Variants in TBC1D32 observed in about 807,000 individuals in gnomAD.
TBC1D32 encodes the protein protein broad-minded.
Under a neutral mutation model 170.3 loss-of-function variants are expected in TBC1D32, and 151 were observed. The ratio of observed to expected loss-of-function variants is 0.89; its 90% CI spans 0.78 to 1.01. The LOEUF is 1.01. TBC1D32 is among the 50% of genes least tolerant of loss of function. The probability of loss-of-function intolerance (pLI) is 0.00; values close to 1 mark genes in which losing one functional copy is unlikely to be tolerated. For synonymous variants in TBC1D32, 498 were observed against 488.0 expected (o/e 1.02, Z -0.27); for missense variants, 1,464 against 1,457.1 (o/e 1.00, Z -0.08).
rs867766124 is a variant in TBC1D32 at position 121,240,337 on chromosome 6, T to C, written c.2245+1128A>G. On this transcript the variant is annotated intron_variant, in intron 19 of 31. Transcript: ENST00000398212. ...TTATTCTAAGTAGAAGAAAAAAAAT[T>C]AGTGGTTCAGTTTAGGACAATTTTT... Among the ~76,000 whole-genome samples, 10 of 148,852 alleles carry C rather than the reference T, an allele frequency of 6.7e-5. No individual in the cohort carries two copies. The East Asian group carries it at 1.2e-3, about 18-fold the overall frequency.
chr6:121,248,618 AGTTATT>A (rs1402483215), intron 17 of TBC1D32, among the ~76,000 whole-genome samples: 1 of 152,028 alleles, frequency 6.6e-6, no homozygotes, highest in Non-Finnish European at 1.5e-5. Context: ...ATAAAACTGG[AGTTATT>A]ACAGACAATA....
intron 19 of TBC1D32, among the ~76,000 whole-genome samples, chr6:121,239,872 T>C (rs1796731558): frequency 6.6e-6 from 1 of 152,096 alleles, no homozygotes; most frequent in Non-Finnish European, 1.5e-5. Context: ...AGTAAGTTCA[T>C]AACAACAATA....
chr6:121,282,894 A>T (rs997440465), intron 13 of TBC1D32, among the ~76,000 whole-genome samples: 65 of 151,854 alleles, frequency 4.3e-4, no homozygotes, highest in African/African-American at 1.5e-3. Context: ...TAAAGACAGA[A>T]AAAAGTCTGA....
At chr6:121,292,268 G>A in intron 11 of TBC1D32, 75 bp from the exon 12 acceptor site, 9 of 1,416,846 alleles carry the variant, frequency 6.4e-6, no homozygotes, top group Non-Finnish European at 8.6e-6. Flanking sequence ...TTCCCTTCTA[G>A]ACATTAAACA....
At chr6:121,242,583 A>G (rs200632742) in intron 17 of TBC1D32, among the ~76,000 whole-genome samples, 2 of 152,012 alleles carry the variant, frequency 1.3e-5, no homozygotes, top group East Asian at 3.9e-4. Flanking sequence ...TGTTAACTGC[A>G]TATGTCAGCA....
intron 26 of TBC1D32, among the ~76,000 whole-genome samples, chr6:121,118,664 G>A (rs903212512): frequency 6.6e-6 from 1 of 152,140 alleles, no homozygotes. Flanking sequence ...GGCAGTTACT[G>A]GTTGGCTGCT....
chr6:121,128,660 T>C (rs1164625849), intron 25 of TBC1D32, among the ~76,000 whole-genome samples: 27 of 152,148 alleles, frequency 1.8e-4, no homozygotes, highest in Admixed American at 1.8e-3. Context: ...GGGGTAGGAA[T>C]ACGACATGAA....
At chr6:121,169,089 A>T (rs1476168700) in intron 22 of TBC1D32, among the ~76,000 whole-genome samples, 1 of 152,176 alleles carries the variant, frequency 6.6e-6, no homozygotes, top group Non-Finnish European at 1.5e-5. Context: ...ACGTGGAACC[A>T]AAAAAGACCT....
At chr6:121,213,534 A>AAAAT (rs1793418494) in intron 21 of TBC1D32, among the ~76,000 whole-genome samples, 2 of 99,338 alleles carry the variant, frequency 2.0e-5, no homozygotes, top group African/African-American at 8.8e-5. Context: ...TAAATAAAAT[A>AAAAT]AAATAAAATA....
At chr6:121,105,949 T>C (rs1342576913) in intron 30 of TBC1D32, 74 bp downstream of exon 30, 3 of 1,379,552 alleles carry the variant, frequency 2.2e-6, no homozygotes, top group East Asian at 5.0e-5. Context: ...ATTTCCTTAT[T>C]TGATGAGAAC....
chr6:121,103,348 T>C (rs1778341525), intron 30 of TBC1D32, among the ~76,000 whole-genome samples: 1 of 151,980 alleles, frequency 6.6e-6, no homozygotes, highest in Non-Finnish European at 1.5e-5. Context: ...TATCCATCAA[T>C]GATAGACTCG....
At chr6:121,253,442 G>T (rs755797508) in intron 17 of TBC1D32, among the ~76,000 whole-genome samples, 1 of 152,130 alleles carries the variant, frequency 6.6e-6, no homozygotes, top group Non-Finnish European at 1.5e-5. Flanking sequence ...AGTCAAGGCC[G>T]GCACGGTGGC....
chr6:121,310,873 A>T lies in TBC1D32; in HGVS notation c.496-26T>A, dbSNP rs372179733. On this transcript the variant is annotated intron_variant, in intron 3 of 31. Transcript: ENST00000398212. ...CTGTAACACAATTGTCAGGACATTC[A>T]TTTATTTAGAAGGCTTTTAGAACTA... The T allele has an allele frequency of 9.1e-4, 1,162 of 1,282,326 alleles. 3 individuals are homozygous for T. Among genetic ancestry groups the T allele is most frequent in the Non-Finnish European group, 1.1e-3 (1,007 of 887,692 alleles). The allele number at this position is 1,282,326 out of a possible 1,614,324, so 79.4% of individuals were successfully genotyped here.
chr6:121,307,895 A>G lies in TBC1D32; in HGVS notation c.690+81T>C, dbSNP rs1441710503. The stretch of plus-strand genomic sequence containing the variant: ...ACAAAAAAGAAAAGAAAAGAAAACT[A>G]TCGTAACTATCATATTCTATTTATT... On this transcript the variant is annotated intron_variant, in intron 5 of 31. Coordinates refer to ENST00000398212, the MANE Select transcript of TBC1D32 (RefSeq NM_152730.6). 6.2e-6 allele frequency: 9 copies of G among 1,442,692 alleles called. No individual in the cohort carries two copies. The Admixed American group carries it at 6.9e-5, about 11-fold the overall frequency. The allele number at this position is 1,442,692 out of a possible 1,614,324, so 89.4% of individuals were successfully genotyped here.
intron 14 of TBC1D32, 147 bp from the exon 15 acceptor site, chr6:121,279,392 A>G (rs4585603): frequency 0.076 from 70,131 of 922,758 alleles, 4,057 homozygotes; most frequent in Admixed American, 0.25. Context: ...CTGTGAAATA[A>G]TATGTCTGAA....
chr6:121,129,822 T>C (rs979678153), intron 25 of TBC1D32: 1 of 413,510 alleles, frequency 2.4e-6, no homozygotes, highest in Non-Finnish European at 4.7e-6. Context: ...ATTGAGTAGA[T>C]ACTATTGGTA....
Position 121,246,374 on chromosome 6 carries a change from A to C in TBC1D32, c.2019-4035T>G, listed in dbSNP as rs139486446. Among the ~76,000 whole-genome samples the C allele has an allele frequency of 5.7e-4, 87 of 152,260 alleles. 3 individuals carry two copies. The East Asian group carries it at 0.016, about 28-fold the overall frequency. On this transcript the variant is annotated intron_variant, in intron 17 of 31. Transcript: ENST00000398212. Reference sequence around the variant, plus strand: ...ACATTAAAGTCAGATCCTTAAGAGAAAAAAAATTTTTCTAATCCGATCAAA... The same window carrying C: ...ACATTAAAGTCAGATCCTTAAGAGACAAAAAATTTTTCTAATCCGATCAAA...
chr6:121,121,207 G>A (rs1346497651), intron 26 of TBC1D32, among the ~76,000 whole-genome samples: 1 of 151,962 alleles, frequency 6.6e-6, no homozygotes, highest in African/African-American at 2.4e-5. Context: ...AATAAGAGAG[G>A]TTACATTCTA....
intron 12 of TBC1D32, among the ~76,000 whole-genome samples, chr6:121,286,774 G>A: frequency 6.6e-6 from 1 of 152,174 alleles, no homozygotes. Context: ...TACGCACAAA[G>A]GGAAGCCCAT....
Sources: gnomAD v4.1 joint callset for allele counts (sites outside exome capture counted in the v4.1 genomes callset) on GRCh38, gnomAD v4.1.1 for gene constraint, MANE v1.5 for transcripts, NCBI Gene and HGNC (gene_info 2026-07-23, HGNC 2026-07-21) for gene names.